SUN3: variants seen among roughly 807,000 people sequenced by gnomAD.
SUN3 encodes SUN domain-containing protein 3.
SUN3 carries 36 observed loss-of-function variants against 48.2 expected under a neutral mutation model. The observed-to-expected ratio is 0.75, with a 90% CI of 0.57 to 0.99. The LOEUF (loss-of-function observed/expected upper bound fraction) is 0.99, where lower values mean the gene tolerates loss of function less well. SUN3 is among the 50% of genes least tolerant of loss of function. The pLI is 0.00. For missense variants in SUN3, 419 were observed against 433.1 expected (o/e 0.97, Z 0.29); for synonymous variants, 148 against 147.9 (o/e 1.00, Z 0.00).
intron 3 of SUN3, among the ~76,000 whole-genome samples, chr7:48,010,391 T>C (rs1789651046): frequency 6.6e-6 from 1 of 152,112 alleles, no homozygotes; most frequent in African/African-American, 2.4e-5. Context: ...TAGTCAACAA[T>C]GCCCATCGAG....
At chr7:48,009,108 A>G in intron 3 of SUN3, 33 bp from the exon 4 acceptor site, 2 of 1,594,532 alleles carry the variant, frequency 1.3e-6, no homozygotes, top group Non-Finnish European at 8.5e-7. Context: ...AATCATTCTG[A>G]ATTCTGCTTA....
At position 47,987,492 on chromosome 7, in the gene SUN3, C is replaced by T. The variant is rs1482008825; in HGVS notation, c.955-43G>A. 9 of 1,470,510 alleles carry T rather than the reference C, an allele frequency of 6.1e-6. No homozygotes were observed. The South Asian group carries it at 1.2e-4, about 20-fold the overall frequency. 91.1% of individuals were successfully genotyped at this position (1,470,510 alleles called of 1,614,324 possible). A position where few individuals can be genotyped will look rare whatever the true frequency, so the allele number is the denominator to read the frequency against. On this transcript the variant is annotated intron_variant, in intron 9 of 9. Coordinates refer to ENST00000297325, the MANE Select transcript of SUN3 (RefSeq NM_001030019.2). ...AAAATCAATGCCTTATAACGAAATTCATCTCAAAGAATCCCAATGAATACT... is the reference window on the plus strand; with the variant it reads ...AAAATCAATGCCTTATAACGAAATTTATCTCAAAGAATCCCAATGAATACT...
chr7:47,989,752 T>C (rs1788999644), intron 8 of SUN3, among the ~76,000 whole-genome samples: 1 of 152,210 alleles, frequency 6.6e-6, no homozygotes, highest in Non-Finnish European at 1.5e-5. Context: ...TCCATTTTGT[T>C]CTGTACTAAG....
In SUN3 at chr7:48,028,999, A is replaced by G; in HGVS notation, c.-61T>C. The stretch of plus-strand genomic sequence containing the variant: ...AAGAGCAACATTTGTCCTCATTCCT[A>G]TTTTATGAAAAACATGAAGCTATAC... On this transcript the variant is annotated 5_prime_UTR_variant, in exon 1 of 10. An upstream open reading frame in the 5' UTR loses its in-frame stop. Coordinates refer to ENST00000297325, the MANE Select transcript of SUN3 (RefSeq NM_001030019.2). The G allele has an allele frequency of 6.2e-6, 10 of 1,605,658 alleles. No individual in the cohort carries two copies. Among genetic ancestry groups the G allele is most frequent in the Non-Finnish European group, 8.5e-6 (10 of 1,177,432 alleles).
chr7:48,035,433 C>T, the SUN3 span: 29 of 678,774 alleles, frequency 4.3e-5, no homozygotes, highest in South Asian at 4.2e-4. The surrounding 1 kb of genome is among the most constrained non-coding windows in gnomAD (Gnocchi z 4.0). Context: ...ACCGCTCCCC[C>T]TCAGGCTTCC....
intron 4 of SUN3, 36 bp from the exon 5 acceptor site, chr7:48,007,363 G>A (rs1170972829): frequency 1.9e-6 from 3 of 1,597,692 alleles, no homozygotes; most frequent in Non-Finnish European, 2.6e-6. Context: ...GAGGAAGAAA[G>A]TGTAAAGCTC....
chr7:48,026,271 C>T (rs192792545), intron 1 of SUN3, among the ~76,000 whole-genome samples: 1 of 151,646 alleles, frequency 6.6e-6, no homozygotes, highest in African/African-American at 2.4e-5. Flanking sequence ...TTCTGGAGGT[C>T]TCAAATGTAG....
At chr7:47,998,104 C>G (rs1789261255) in intron 6 of SUN3, among the ~76,000 whole-genome samples, 1 of 152,172 alleles carries the variant, frequency 6.6e-6, no homozygotes, top group Non-Finnish European at 1.5e-5. Flanking sequence ...AGTGGGATTG[C>G]TAGGTCAATA....
chr7:48,023,497 C>A (rs1790056147), intron 2 of SUN3, among the ~76,000 whole-genome samples: 1 of 151,340 alleles, frequency 6.6e-6, no homozygotes, highest in African/African-American at 2.4e-5. Flanking sequence ...CAAAAGAAGG[C>A]AGTAAAGAAG....
Position 47,988,813 on chromosome 7 carries a change from G to A in SUN3, c.929C>T (p.Thr310Ile), listed in dbSNP as rs766708406. The stretch of plus-strand genomic sequence containing the variant: ...CTGGAGTTCAAATGTTTGAACGGTG[G>A]TTCCTGTTTTGTTATATATAAACTG... ...LGQFIYNKTG[T>I]TVQTFELQHA... Residue 310 changes from threonine to isoleucine, a missense_variant, in exon 9 of 10, where the codon ACC (threonine) becomes ATC (isoleucine). Transcript: ENST00000297325. The A allele has an allele frequency of 1.2e-6, 2 of 1,606,406 alleles. No individual in the cohort carries two copies. Among genetic ancestry groups the A allele is most frequent in the East Asian group, 2.2e-5 (1 of 44,692 alleles).
chr7:48,024,518 G>A (rs1278593021), intron 2 of SUN3, among the ~76,000 whole-genome samples: 3 of 152,064 alleles, frequency 2.0e-5, no homozygotes, highest in African/African-American at 7.2e-5. Flanking sequence ...AAATGATAGT[G>A]GAAATGTAGA....
chr7:48,016,088 G>A (rs112072145), intron 3 of SUN3, among the ~76,000 whole-genome samples: 4,555 of 152,156 alleles, frequency 0.03, 225 homozygotes, highest in African/African-American at 0.1. Flanking sequence ...TGCTTGAGAT[G>A]TTTTGCAGAC....
chr7:48,034,497 G>A, the SUN3 span, among the ~76,000 whole-genome samples: 1 of 152,296 alleles, frequency 6.6e-6, no homozygotes, highest in South Asian at 2.1e-4. Flanking sequence ...TGCTGCAGTC[G>A]TTGGAACAAC....
chr7:48,016,706 G>A (rs1789824302), intron 3 of SUN3, among the ~76,000 whole-genome samples: 1 of 152,218 alleles, frequency 6.6e-6, no homozygotes, highest in East Asian at 1.9e-4. Flanking sequence ...TCTTGGGGAA[G>A]TGTGGAGAAT....
chr7:47,994,185 G>C, intron 8 of SUN3, 130 bp downstream of exon 8: 1 of 784,068 alleles, frequency 1.3e-6, no homozygotes, highest in Non-Finnish European at 2.0e-6. Flanking sequence ...CTTTGTAGGT[G>C]AGAAAGCAGA....
intron 6 of SUN3, among the ~76,000 whole-genome samples, chr7:48,003,073 C>T (rs1194833761): frequency 6.6e-6 from 1 of 151,594 alleles, no homozygotes; most frequent in Non-Finnish European, 1.5e-5. Flanking sequence ...AGTCTATATT[C>T]CATTTCAAGT....
At chr7:48,008,928 G>C in intron 4 of SUN3, 107 bp downstream of exon 4, 1 of 963,502 alleles carries the variant, frequency 1.0e-6, no homozygotes, top group African/African-American at 1.7e-5. Context: ...GTGAAATTTT[G>C]AGTTATTTCA....
At chr7:48,012,068 G>C (rs1789698530) in intron 3 of SUN3, among the ~76,000 whole-genome samples, 1 of 152,214 alleles carries the variant, frequency 6.6e-6, no homozygotes, top group Non-Finnish European at 1.5e-5. Context: ...AAACATTTCT[G>C]GCAATGAGAT....
At chr7:48,035,628 C>T in the SUN3 span, 4 of 683,886 alleles carry the variant, frequency 5.8e-6, no homozygotes, top group Non-Finnish European at 1.1e-5. The surrounding 1 kb of genome is among the most constrained non-coding windows in gnomAD (Gnocchi z 4.0). Context: ...CCGCGGGGAG[C>T]TGGTGAGCCT....
Sources: allele counts gnomAD v4.1 joint callset (sites outside exome capture counted in the v4.1 genomes callset), GRCh38; gene constraint gnomAD v4.1.1; non-coding constraint Gnocchi (gnomAD v3.1); transcripts MANE v1.5; gene names NCBI Gene and HGNC (gene_info 2026-07-23, HGNC 2026-07-21).